Variants in PTPN13 observed in about 807,000 individuals in gnomAD.
The protein encoded by PTPN13 is protein tyrosine phosphatase non-receptor type 13, also known as tyrosine-protein phosphatase non-receptor type 13.
A neutral mutation model predicts 284.0 loss-of-function variants in PTPN13; 191 were observed. The ratio of observed to expected loss-of-function variants is 0.67; its 90% CI spans 0.60 to 0.76. The LOEUF is 0.76. PTPN13 is among the 30% of genes least tolerant of loss of function. PTPN13 has a pLI of 0.00. For missense variants in PTPN13, 2,797 were observed against 2,939.9 expected (o/e 0.95, Z 1.12); for synonymous variants, 986 against 1,022.3 (o/e 0.96, Z 0.68).
intron 1 of PTPN13, among the ~76,000 whole-genome samples, chr4:86,618,312 C>G (rs560179314): frequency 3.3e-5 from 5 of 152,274 alleles, no homozygotes; most frequent in Non-Finnish European, 7.4e-5. Context: ...CAGTACCATG[C>G]TGTTTTGGTT....
rs149698993 is a variant in PTPN13 at position 86,741,216 on chromosome 4, A to G, written c.2305-418A>G. The stretch of plus-strand genomic sequence containing the variant: ...AGCCATGCCCACTCTACTGGTACCA[A>G]TCTACTGTATTAGTCCATTTTCACA... On this transcript the variant is annotated intron_variant, in intron 15 of 47. Transcript: ENST00000411767. 5.7e-3 allele frequency among the ~76,000 whole-genome samples: 864 copies of G among 152,282 alleles called. 6 individuals are homozygous for G. The highest frequency in any genetic ancestry group is 0.02 in the African/African-American group (831 of 41,568).
intron 1 of PTPN13, among the ~76,000 whole-genome samples, chr4:86,606,476 A>T (rs376712266): frequency 6.6e-6 from 1 of 151,878 alleles, no homozygotes; most frequent in African/African-American, 2.4e-5. Context: ...AGTGCTTTCC[A>T]CAAATTGTTT....
intron 28 of PTPN13, 144 bp downstream of exon 28, chr4:86,768,120 A>G (rs1739541894): frequency 1.4e-6 from 1 of 710,942 alleles, no homozygotes; most frequent in Non-Finnish European, 2.2e-6. Flanking sequence ...ACATCACACC[A>G]TACTGAATAA....
intron 2 of PTPN13, among the ~76,000 whole-genome samples, chr4:86,664,427 C>G (rs942114173): frequency 1.3e-5 from 2 of 151,970 alleles, no homozygotes; most frequent in African/African-American, 4.8e-5. Flanking sequence ...TCAGCAAAGT[C>G]TAAATTAGTA....
intron 31 of PTPN13, among the ~76,000 whole-genome samples, chr4:86,772,277 G>A (rs934734881): frequency 6.6e-6 from 1 of 152,112 alleles, no homozygotes; most frequent in Non-Finnish European, 1.5e-5. Context: ...AACCTAGGCC[G>A]GCGCGATGGC....
rs752012543 is a variant in PTPN13, at chr4:86,771,428, A to G, written c.5061A>G (p.Val1687=). 4 of 1,566,036 alleles carry G rather than the reference A, an allele frequency of 2.6e-6. No individual in the cohort carries two copies. The highest frequency in any genetic ancestry group is 1.4e-5 in the African/African-American group (1 of 73,884). The part of the protein sequence containing the change: ...SALHQTLSNM[V]SQAQSHHEAP... ...TGCATCAGACTCTAAGCAACATGGT[A>G]TCACAGGCACAGAGTCATCATGAAG... The change falls in exon 31 of 48, where the codon GTA becomes GTG. Residue 1687 remains valine (V), a synonymous_variant. Coordinates refer to ENST00000411767, the MANE Select transcript of PTPN13 (RefSeq NM_080683.3).
chr4:86,794,536 G>C lies in PTPN13; in HGVS notation c.6346-2338G>C, dbSNP rs555424282. Among the ~76,000 whole-genome samples the C allele has an allele frequency of 3.9e-5, 6 of 152,184 alleles. No homozygotes were observed. In the East Asian group the frequency reaches 1.2e-3, roughly 29 times the overall value. On this transcript the variant is annotated intron_variant, in intron 40 of 47. Transcript: ENST00000411767. ...TACCACTGACTTTCTTCCCAGAATA[G>C]GAAAAAACTACTTTAAAGTTCATAT...
chr4:86,684,036 C>T (rs996017893), intron 3 of PTPN13, among the ~76,000 whole-genome samples: 10 of 150,796 alleles, frequency 6.6e-5, no homozygotes, highest in Admixed American at 2.0e-4. Context: ...ATTCAACAGA[C>T]ATGTATTGAA....
chr4:86,741,596 C>G, intron 15 of PTPN13, 38 bp from the exon 16 acceptor site: 1 of 1,557,744 alleles, frequency 6.4e-7, no homozygotes, highest in Non-Finnish European at 8.8e-7. Context: ...TCACCATTTA[C>G]CAAAGTGTAT....
intron 20 of PTPN13, among the ~76,000 whole-genome samples, chr4:86,755,255 T>TA (rs1405289386): frequency 2.6e-5 from 4 of 151,740 alleles, no homozygotes; most frequent in Admixed American, 6.6e-5. Context: ...AAAGAAAAGA[T>TA]AAAAAAGTCA....
intron 4 of PTPN13, 36 bp downstream of exon 4, chr4:86,686,811 A>C (rs183754279): frequency 7.8e-6 from 11 of 1,405,142 alleles, no homozygotes; most frequent in African/African-American, 1.4e-5. Context: ...TACTTTTTAC[A>C]TATGTTCAAT....
chr4:86,705,909 G>C (rs980919601), intron 7 of PTPN13, among the ~76,000 whole-genome samples: 6 of 151,558 alleles, frequency 4.0e-5, no homozygotes, highest in African/African-American at 1.5e-4. Context: ...ATTTTAATTT[G>C]TTCTTTGGGT....
At chr4:86,750,943 T>A in intron 18 of PTPN13, 56 bp downstream of exon 18, 1 of 1,571,808 alleles carries the variant, frequency 6.4e-7, no homozygotes, top group Non-Finnish European at 8.7e-7. Flanking sequence ...ATTTCATACG[T>A]TTCTTTTTGT....
In PTPN13 at chr4:86,741,206, A is replaced by G. The variant is rs537580589; in HGVS notation, c.2305-428A>G. Among the ~76,000 whole-genome samples the G allele has an allele frequency of 4.5e-4, 68 of 152,202 alleles. 1 individual carries two copies. The South Asian group carries it at 0.014, about 31-fold the overall frequency. ...GTATCTTTTCAGCCATGCCCACTCT[A>G]CTGGTACCAATCTACTGTATTAGTC... On this transcript the variant is annotated intron_variant, in intron 15 of 47. Coordinates refer to ENST00000411767, the MANE Select transcript of PTPN13 (RefSeq NM_080683.3).
At chr4:86,786,830 C>T (rs992327475) in intron 40 of PTPN13, among the ~76,000 whole-genome samples, 1 of 152,102 alleles carries the variant, frequency 6.6e-6, no homozygotes, top group African/African-American at 2.4e-5. Context: ...AGGCCGGGCG[C>T]GTTGGCTCAT....
At chr4:86,652,557 C>T (rs908844993) in intron 2 of PTPN13, among the ~76,000 whole-genome samples, 2 of 152,118 alleles carry the variant, frequency 1.3e-5, no homozygotes, top group South Asian at 4.1e-4. Flanking sequence ...CAGTTTTTTC[C>T]TTCAGCATTT....
intron 1 of PTPN13, among the ~76,000 whole-genome samples, chr4:86,606,414 A>C (rs1466618722): frequency 1.3e-5 from 2 of 151,860 alleles, no homozygotes; most frequent in African/African-American, 4.8e-5. Context: ...GTTAGTCTTT[A>C]TGCTTATTTA....
At position 86,666,387 on chromosome 4, in the gene PTPN13, G is replaced by GCTCTCTT. The variant is rs1203695286; in HGVS notation, c.116-5972_116-5971insTCTCTCT. Among the ~76,000 whole-genome samples, 4 of 152,166 alleles carry GCTCTCTT rather than the reference G, an allele frequency of 2.6e-5. No individual in the cohort carries two copies. In the East Asian group the frequency reaches 7.7e-4, roughly 29 times the overall value. On this transcript the variant is annotated intron_variant, in intron 2 of 47. Coordinates refer to ENST00000411767, the MANE Select transcript of PTPN13 (RefSeq NM_080683.3). Reference sequence around the variant, plus strand: ...ATAGGCAAAGGAAAGAGAAAGAACAGCTCTCTCTTCTCTCTCTTCTCTCTC... The same window carrying GCTCTCTT: ...ATAGGCAAAGGAAAGAGAAAGAACAGCTCTCTTCTCTCTCTTCTCTCTCTTCTCTCTC...
rs771209776 is a variant in PTPN13, at chr4:86,771,194, A to G, written c.4827A>G (p.Gln1609=). Residue 1609 remains glutamine, a synonymous_variant, in exon 31 of 48, where the codon CAA becomes CAG. Coordinates refer to ENST00000411767, the MANE Select transcript of PTPN13 (RefSeq NM_080683.3). ...ALLTPLQSPA[Q]VLPNSSKDSS... is the part of the protein sequence containing the mutation. ...AGACCCCACTTCAGTCTCCAGCACAAGTACTTCCAAACAGCAGTAAAGACT... is the reference window on the plus strand; with the variant it reads ...AGACCCCACTTCAGTCTCCAGCACAGGTACTTCCAAACAGCAGTAAAGACT... 3 of 1,611,838 alleles carry G rather than the reference A, an allele frequency of 1.9e-6. No homozygotes were observed. The highest frequency in any genetic ancestry group is 1.7e-6 in the Non-Finnish European group (2 of 1,178,866).
Sources: allele counts gnomAD v4.1 joint callset (sites outside exome capture counted in the v4.1 genomes callset), GRCh38; gene constraint gnomAD v4.1.1; transcripts MANE v1.5; gene names NCBI Gene and HGNC (gene_info 2026-07-23, HGNC 2026-07-21).